Variants in ATF6 observed in about 807,000 individuals in gnomAD.
ATF6 encodes cyclic AMP-dependent transcription factor ATF-6 alpha.
In ATF6, 53 loss-of-function variants were observed where a neutral mutation model predicts 83.6. The observed-to-expected ratio is 0.63, with a 90% CI of 0.51 to 0.80. The LOEUF (loss-of-function observed/expected upper bound fraction) is 0.80. ATF6 is among the 30% of genes least tolerant of loss of function. ATF6 has a pLI of 0.00. For missense variants in ATF6, 744 were observed against 797.9 expected (o/e 0.93, Z 0.81); for synonymous variants, 288 against 285.8 (o/e 1.01, Z -0.08).
chr1:161,941,708 G>A (rs945614352), intron 15 of ATF6, among the ~76,000 whole-genome samples: 32 of 152,314 alleles, frequency 2.1e-4, no homozygotes, highest in African/African-American at 7.2e-4. Context: ...ATTCCGGTGA[G>A]AAGTACTATG....
chr1:161,948,269 G>A (rs1460304046), intron 15 of ATF6, among the ~76,000 whole-genome samples: 2 of 152,140 alleles, frequency 1.3e-5, no homozygotes, highest in African/African-American at 4.8e-5. Context: ...TCCTTTCTTA[G>A]TACTTTGTTA....
At chr1:161,864,830 A>T (rs1686957195) in intron 14 of ATF6, among the ~76,000 whole-genome samples, 1 of 152,238 alleles carries the variant, frequency 6.6e-6, no homozygotes, top group South Asian at 2.1e-4. Flanking sequence ...CTATGAAAAC[A>T]AAGTATTTCC....
intron 1 of ATF6, among the ~76,000 whole-genome samples, chr1:161,777,137 A>G (rs1008864152): frequency 6.6e-6 from 1 of 152,210 alleles, no homozygotes; most frequent in Non-Finnish European, 1.5e-5. Context: ...GACATTAATA[A>G]TTATGTGTAT....
intron 4 of ATF6, among the ~76,000 whole-genome samples, chr1:161,784,380 T>G (rs927922015): frequency 2.6e-5 from 4 of 152,188 alleles, no homozygotes; most frequent in African/African-American, 9.6e-5. Context: ...CTTACTGTCC[T>G]TTCTCCCACC....
At chr1:161,925,020 C>T (rs1688283425) in intron 15 of ATF6, among the ~76,000 whole-genome samples, 2 of 152,348 alleles carry the variant, frequency 1.3e-5, no homozygotes, top group South Asian at 2.1e-4. Context: ...TGTTCCTTTT[C>T]TGTCTCTTAA....
At chr1:161,817,946 A>G (rs1685652302) in intron 7 of ATF6, among the ~76,000 whole-genome samples, 1 of 151,868 alleles carries the variant, frequency 6.6e-6, no homozygotes, top group African/African-American at 2.4e-5. Context: ...AAATACACAA[A>G]CAAAATTAGC....
intron 14 of ATF6, among the ~76,000 whole-genome samples, chr1:161,865,039 G>A (rs1359369194): frequency 6.6e-6 from 1 of 152,142 alleles, no homozygotes; most frequent in East Asian, 1.9e-4. Flanking sequence ...TGTATTATTT[G>A]ATCAAAACAG....
At chr1:161,883,621 AG>A (rs1687362064) in intron 14 of ATF6, among the ~76,000 whole-genome samples, 1 of 152,038 alleles carries the variant, frequency 6.6e-6, no homozygotes, top group African/African-American at 2.4e-5. Flanking sequence ...TTCATTCACA[AG>A]ATATAATAAA....
In ATF6 at chr1:161,959,636, C is replaced by T. The variant is rs867700330; in HGVS notation, c.*982C>T. 1.1e-4 allele frequency: 16 copies of T among 145,234 alleles called. No homozygotes were observed. Among genetic ancestry groups the T allele is most frequent in the Middle Eastern group, 3.5e-3 (1 of 284 alleles). The allele number at this position is 145,234 out of a possible 1,614,324, so 9.0% of individuals were successfully genotyped here. ...AGTGAGCCGAGATCCCGCCACTGCA[C>T]TCCAGCCTGGGCGACAGAGCGAGAC... On this transcript the variant is annotated 3_prime_UTR_variant, in exon 16 of 16. Transcript: ENST00000367942.
chr1:161,849,117 G>T (rs555369143), intron 10 of ATF6, among the ~76,000 whole-genome samples: 1 of 152,070 alleles, frequency 6.6e-6, no homozygotes, highest in Non-Finnish European at 1.5e-5. Flanking sequence ...AAAATAATGC[G>T]TATGTCATAG....
intron 14 of ATF6, among the ~76,000 whole-genome samples, chr1:161,873,303 T>C (rs75624242): frequency 0.011 from 1,639 of 151,686 alleles, 23 homozygotes; most frequent in Non-Finnish European, 0.017. Context: ...AATGGTTTTA[T>C]AATTTTTTCT....
At chr1:161,881,194 T>C (rs886963333) in intron 14 of ATF6, among the ~76,000 whole-genome samples, 3 of 152,128 alleles carry the variant, frequency 2.0e-5, no homozygotes, top group African/African-American at 7.2e-5. Context: ...ACAGTTACTA[T>C]GGGTCAGGAG....
At chr1:161,892,971 G>C (rs1466087543) in intron 14 of ATF6, among the ~76,000 whole-genome samples, 1 of 151,882 alleles carries the variant, frequency 6.6e-6, no homozygotes, top group Non-Finnish European at 1.5e-5. Flanking sequence ...ATGTGGCTTT[G>C]TGTTCTTTTG....
chr1:161,873,274 T>A (rs548192250), intron 14 of ATF6, among the ~76,000 whole-genome samples: 17 of 151,756 alleles, frequency 1.1e-4, no homozygotes, highest in Middle Eastern at 3.4e-3. Context: ...TAGAACTATT[T>A]CTCATTTAAT....
intron 15 of ATF6, among the ~76,000 whole-genome samples, chr1:161,939,514 A>T (rs1027890140): frequency 1.3e-5 from 2 of 152,220 alleles, no homozygotes; most frequent in African/African-American, 4.8e-5. Context: ...AAGGTGCCTA[A>T]ACAAGATGAA....
At position 161,819,638 on chromosome 1, in the gene ATF6, T is replaced by C. The variant is rs1474096988; in HGVS notation, c.915T>C (p.Ala305=). 6.4e-7 allele frequency: 1 copy of C among 1,572,612 alleles called. No homozygotes were observed. Among genetic ancestry groups the C allele is most frequent in the Non-Finnish European group, 8.6e-7 (1 of 1,164,402 alleles). ...STMRNVGSDI[A]VLRRQQRMIK... ...TTCATTATAACTTTTTCTAGATTGC[T>C]GTGCTAAGGAGACAGCAACGTATGA... The change falls in exon 8 of 16, where the codon GCT becomes GCC. Residue 305 remains alanine (A), a synonymous_variant. Transcript: ENST00000367942.
chr1:161,768,329 T>C (rs1296462047), intron 1 of ATF6, among the ~76,000 whole-genome samples: 1 of 152,254 alleles, frequency 6.6e-6, no homozygotes. Flanking sequence ...TCGGGTATCC[T>C]GCCCTGTCCC....
At chr1:161,832,631 C>G (rs112811497) in intron 9 of ATF6, among the ~76,000 whole-genome samples, 7 of 152,252 alleles carry the variant, frequency 4.6e-5, no homozygotes, top group South Asian at 4.1e-4. Context: ...CTTGGAGGGT[C>G]CTACACCCAC....
At chr1:161,851,446 A>G (rs1300363334) in intron 10 of ATF6, among the ~76,000 whole-genome samples, 3 of 152,212 alleles carry the variant, frequency 2.0e-5, no homozygotes, top group Non-Finnish European at 2.9e-5. Context: ...CATTGAAGAT[A>G]TGATGAACCA....
Sources: gnomAD v4.1 joint callset for allele counts (sites outside exome capture counted in the v4.1 genomes callset) on GRCh38, gnomAD v4.1.1 for gene constraint, MANE v1.5 for transcripts, NCBI Gene and HGNC (gene_info 2026-07-23, HGNC 2026-07-21) for gene names.